CSF2RA: variants seen among roughly 807,000 people sequenced by gnomAD.
CSF2RA encodes the protein granulocyte-macrophage colony-stimulating factor receptor subunit alpha.
Under a neutral mutation model 51.6 loss-of-function variants are expected in CSF2RA, and 42 were observed. That is an observed-to-expected ratio of 0.81 (90% confidence interval 0.64 to 1.05). CSF2RA has a LOEUF of 1.05. Ranked by LOEUF, CSF2RA falls within the 50% of genes least tolerant of loss-of-function variation. CSF2RA has a pLI of 0.00. For missense variants in CSF2RA, 530 were observed against 501.1 expected (o/e 1.06, Z -0.55); for synonymous variants, 222 against 193.0 (o/e 1.15, Z -1.24).
At chrX:1,316,521 A>G in the CSF2RA span, among the ~76,000 whole-genome samples, 2 of 152,148 alleles carry the variant, frequency 1.3e-5, no homozygotes. Context: ...CCAAGGCAAG[A>G]CTTCCCTTTG....
At chrX:1,307,969 A>G (rs1350295482) in intron 12 of CSF2RA, among the ~76,000 whole-genome samples, 2 of 145,428 alleles carry the variant, frequency 1.4e-5, no homozygotes. Flanking sequence ...TCCCCTTTAG[A>G]CCTTCAGCTT....
chrX:1,290,150 CGTTTT>C (rs1200526464), intron 6 of CSF2RA, among the ~76,000 whole-genome samples, 182 bp from the exon 7 acceptor site: 3 of 43,058 alleles, frequency 7.0e-5, no homozygotes, highest in African/African-American at 2.0e-4. Context: ...TGTTTGTTTT[CGTTTT>C]GTTTTGTGTT....
chrX:1,287,918 G>C (rs1337257709), intron 4 of CSF2RA, among the ~76,000 whole-genome samples: 3 of 143,024 alleles, frequency 2.1e-5, no homozygotes, highest in Non-Finnish European at 3.0e-5. Flanking sequence ...TGTATTTTTA[G>C]TAGAGACGGG....
chrX:1,299,516 C>T (rs1269731144), intron 9 of CSF2RA, among the ~76,000 whole-genome samples: 8 of 152,100 alleles, frequency 5.3e-5, no homozygotes, highest in African/African-American at 1.9e-4. Flanking sequence ...GCTCCACCTC[C>T]CAGCGATTGT....
downstream of CSF2RA, among the ~76,000 whole-genome samples, chrX:1,314,261 C>CACACAGCATCTG (rs1569514698): frequency 3.6e-5 from 1 of 27,674 alleles, no homozygotes; most frequent in Non-Finnish European, 8.7e-5. Flanking sequence ...CCTGCCCAAC[C>CACACAGCATCTG]CCACTGCGCC....
intron 1 of CSF2RA, among the ~76,000 whole-genome samples, chrX:1,270,809 G>C (rs1248993704): frequency 2.0e-5 from 3 of 150,732 alleles, no homozygotes; most frequent in African/African-American, 7.4e-5. Flanking sequence ...GGAGGCTGAG[G>C]TGGGCGGATC....
chrX:1,315,379 G>C (rs1251571611), downstream of CSF2RA, among the ~76,000 whole-genome samples: 1 of 151,988 alleles, frequency 6.6e-6, no homozygotes, highest in Non-Finnish European at 1.5e-5. Context: ...ATATTTGATA[G>C]ATAGATGATA....
intron 1 of CSF2RA, among the ~76,000 whole-genome samples, chrX:1,273,747 ATTTT>A (rs749510441): frequency 0.4 from 48,840 of 121,664 alleles, 10,541 homozygotes; most frequent in Non-Finnish European, 0.52. Flanking sequence ...CGCCCAGCTA[ATTTT>A]TTTTTTTTTT....
In CSF2RA at chrX:1,300,565, G is replaced by T. The variant is rs761742562; in HGVS notation, c.885G>T (p.Lys295Asn). 12 of 1,613,936 alleles carry T rather than the reference G, an allele frequency of 7.4e-6. No individual in the cohort carries two copies. In the South Asian group the frequency reaches 1.2e-4, roughly 16 times the overall value. The change falls in exon 10 of 13, where the codon AAG (lysine) becomes AAT (asparagine). Residue 295 changes from lysine (K) to asparagine (N), a missense_variant. Lys to Asn is a moderately conservative substitution (Grantham distance 94). Coordinates refer to ENST00000381529, the MANE Select transcript of CSF2RA (RefSeq NM_172245.4). ...AGCCCAGAGCAAAACACAGTGTGAA[G>T]ATCAGAGCTGCAGACGTCCGCATCT... ...SSEPRAKHSV[K>N]IRAADVRILN...
chrX:1,296,241 A>G (rs1161048088), intron 9 of CSF2RA, among the ~76,000 whole-genome samples: 1 of 149,568 alleles, frequency 6.7e-6, no homozygotes, highest in Non-Finnish European at 1.5e-5. Context: ...ACACTCCCCT[A>G]CTCACAACCC....
chrX:1,270,775 G>A (rs1159445952), intron 1 of CSF2RA, among the ~76,000 whole-genome samples: 1 of 151,098 alleles, frequency 6.6e-6, no homozygotes, highest in Non-Finnish European at 1.5e-5. Flanking sequence ...TCTAAGCTGG[G>A]CGTGGTGTAA....
chrX:1,317,023 T>A, the CSF2RA span, among the ~76,000 whole-genome samples: 1 of 147,376 alleles, frequency 6.8e-6, no homozygotes, highest in Non-Finnish European at 1.5e-5. Flanking sequence ...CTCGGCTCAC[T>A]GCAAGCTCCG....
At chrX:1,296,012 T>G (rs73618045) in intron 9 of CSF2RA, among the ~76,000 whole-genome samples, 5,281 of 149,522 alleles carry the variant, frequency 0.035, 337 homozygotes, top group African/African-American at 0.12. Flanking sequence ...AGTCTCCTAC[T>G]CACGACGCCT....
chrX:1,285,405 C>T (rs1389490423), intron 3 of CSF2RA, among the ~76,000 whole-genome samples: 1 of 151,760 alleles, frequency 6.6e-6, no homozygotes, highest in Admixed American at 6.6e-5. Flanking sequence ...GGACAGAAAA[C>T]AGGGCCGGCC....
chrX:1,288,926 C>A (rs1408081811), intron 6 of CSF2RA, 38 bp downstream of exon 6: 4 of 1,611,878 alleles, frequency 2.5e-6, no homozygotes, highest in Middle Eastern at 1.7e-4. Flanking sequence ...ATGAGGAATG[C>A]AGGGATGGGA....
At chrX:1,285,674 C>T in intron 3 of CSF2RA, 104 bp from the exon 4 acceptor site, 1 of 1,362,516 alleles carries the variant, frequency 7.3e-7, no homozygotes, top group Non-Finnish European at 9.9e-7. Flanking sequence ...TGCACTCCAG[C>T]CTGGGAGACA....
chrX:1,323,971 C>A, the CSF2RA span, among the ~76,000 whole-genome samples: 16 of 151,946 alleles, frequency 1.1e-4, no homozygotes, highest in Admixed American at 4.6e-4. Context: ...CCAAGATCAC[C>A]CCACTGCATT....
At position 1,284,014 on chromosome X, in the gene CSF2RA, T is replaced by G. The variant is rs181092766; in HGVS notation, c.76+1235T>G. On this transcript the variant is annotated intron_variant, in intron 3 of 12. Transcript: ENST00000381529. The stretch of plus-strand genomic sequence containing the variant: ...TCAGGAAAGTATTTCCAGGTTTTTG[T>G]GACCTGGTTCAGGGAAGACAGACAA... 6.5e-4 allele frequency among the ~76,000 whole-genome samples: 99 copies of G among 152,142 alleles called. 1 individual carries two copies. Among genetic ancestry groups the G allele is most frequent in the Non-Finnish European group, 9.9e-4 (67 of 67,982 alleles).
chrX:1,314,285 T>TGCACCTGCCCAACCACACA (rs1569514736), downstream of CSF2RA, among the ~76,000 whole-genome samples: 223 of 48,320 alleles, frequency 4.6e-3, 5 homozygotes, highest in African/African-American at 6.0e-3. Context: ...CCAACCCCAC[T>TGCACCTGCCCAACCACACA]GCATCTGCCC....
Sources: allele counts gnomAD v4.1 joint callset (sites outside exome capture counted in the v4.1 genomes callset), GRCh38; gene constraint gnomAD v4.1.1; transcripts MANE v1.5; gene names NCBI Gene and HGNC (gene_info 2026-07-23, HGNC 2026-07-21).